The following ATF7IP2 variants were observed in gnomAD, a reference collection of about 807,000 sequenced individuals.
ATF7IP2 encodes activating transcription factor 7-interacting protein 2.
A neutral mutation model predicts 64.2 loss-of-function variants in ATF7IP2; 42 were observed. The observed-to-expected ratio is 0.65, with a 90% CI of 0.51 to 0.85. The LOEUF (loss-of-function observed/expected upper bound fraction) is 0.85. ATF7IP2 is among the 40% of genes least tolerant of loss of function. The pLI, the probability that ATF7IP2 is intolerant of heterozygous loss-of-function variation, is 0.00. For missense variants in ATF7IP2, 933 were observed against 784.2 expected, an observed-to-expected ratio of 1.19 and a Z score of -2.27; for synonymous variants, 308 against 272.8, an observed-to-expected ratio of 1.13 and a Z score of -1.27.
intron 1 of ATF7IP2, among the ~76,000 whole-genome samples, chr16:10,412,517 T>G (rs1366105215): frequency 6.6e-6 from 1 of 152,212 alleles, no homozygotes; most frequent in Non-Finnish European, 1.5e-5. Flanking sequence ...TTTCCAGTTT[T>G]TTTCCACTAT....
intron 12 of ATF7IP2, among the ~76,000 whole-genome samples, chr16:10,477,480 A>C (rs1456205233): frequency 6.6e-6 from 1 of 152,164 alleles, no homozygotes; most frequent in South Asian, 2.1e-4. Flanking sequence ...CGTATCTCAA[A>C]ATAATAAGAG....
chr16:10,450,308 A>C (rs2141979561), intron 8 of ATF7IP2, among the ~76,000 whole-genome samples: 1 of 152,224 alleles, frequency 6.6e-6, no homozygotes, highest in East Asian at 1.9e-4. Context: ...TGGGGTGGAG[A>C]GTTCTGTAGA....
intron 1 of ATF7IP2, among the ~76,000 whole-genome samples, chr16:10,394,303 C>A (rs190529402): frequency 6.6e-6 from 1 of 152,266 alleles, no homozygotes; most frequent in Non-Finnish European, 1.5e-5. Context: ...TAGGGACATT[C>A]TATAATGACA....
chr16:10,450,866 G>T (rs981227721), intron 8 of ATF7IP2, among the ~76,000 whole-genome samples: 1 of 152,208 alleles, frequency 6.6e-6, no homozygotes, highest in Non-Finnish European at 1.5e-5. Flanking sequence ...TATGATGCTA[G>T]CTGGTTATTT....
intron 1 of ATF7IP2, among the ~76,000 whole-genome samples, chr16:10,402,895 G>A (rs2047562637): frequency 8.6e-6 from 1 of 116,438 alleles, no homozygotes; most frequent in Non-Finnish European, 1.7e-5. Context: ...ACGACACAGC[G>A]AGACCCTTTC....
At chr16:10,422,888 A>T (rs114283601) in intron 3 of ATF7IP2, among the ~76,000 whole-genome samples, 385 of 152,302 alleles carry the variant, frequency 2.5e-3, no homozygotes, top group African/African-American at 7.6e-3. Context: ...TAGATACTGC[A>T]ATTTGAATTT....
At chr16:10,432,804 G>A (rs1596495289) in intron 5 of ATF7IP2, among the ~76,000 whole-genome samples, 1 of 152,134 alleles carries the variant, frequency 6.6e-6, no homozygotes, top group East Asian at 1.9e-4. Context: ...CTTGAACCTG[G>A]GGGGCGGAAG....
intron 9 of ATF7IP2, among the ~76,000 whole-genome samples, chr16:10,467,292 A>G (rs1326751254): frequency 6.6e-6 from 1 of 152,166 alleles, no homozygotes; most frequent in Non-Finnish European, 1.5e-5. Flanking sequence ...TCCTTTTTAA[A>G]GATTTTCTGC....
At chr16:10,416,574 C>G (rs1027894410) in intron 2 of ATF7IP2, among the ~76,000 whole-genome samples, 2 of 152,128 alleles carry the variant, frequency 1.3e-5, no homozygotes, top group Admixed American at 6.5e-5. Flanking sequence ...AGGTGGATCA[C>G]CTGAGGCCAG....
intron 1 of ATF7IP2, among the ~76,000 whole-genome samples, chr16:10,391,633 C>T (rs1029601076): frequency 3.3e-5 from 5 of 152,106 alleles, no homozygotes; most frequent in African/African-American, 1.2e-4. Context: ...TGCAGTGGCT[C>T]ATGCCTGTAA....
chr16:10,445,137 A>T (rs1340446208), intron 8 of ATF7IP2, among the ~76,000 whole-genome samples: 1 of 152,186 alleles, frequency 6.6e-6, no homozygotes, highest in Admixed American at 6.5e-5. Flanking sequence ...ATACACCCAT[A>T]AACTCTGAGA....
intron 1 of ATF7IP2, among the ~76,000 whole-genome samples, chr16:10,401,048 A>G (rs561570765): frequency 6.6e-6 from 1 of 152,298 alleles, no homozygotes; most frequent in East Asian, 1.9e-4. Flanking sequence ...CTTTTTGTGC[A>G]TATATTGAGA....
At chr16:10,402,912 A>G (rs997075479) in intron 1 of ATF7IP2, among the ~76,000 whole-genome samples, 15 of 152,108 alleles carry the variant, frequency 9.9e-5, no homozygotes, top group African/African-American at 3.4e-4. Flanking sequence ...TTTCTCAAAA[A>G]AAAAAAAAAA....
intron 4 of ATF7IP2, 72 bp downstream of exon 4, chr16:10,429,088 C>G (rs1252314104): frequency 2.0e-5 from 3 of 152,162 alleles, no homozygotes; most frequent in Non-Finnish European, 4.4e-5. Context: ...GGACACAAAA[C>G]TGTAGCAGTG....
intron 12 of ATF7IP2, among the ~76,000 whole-genome samples, chr16:10,478,642 A>T (rs191306104): frequency 6.6e-6 from 1 of 152,376 alleles, no homozygotes; most frequent in Admixed American, 6.5e-5. Context: ...ACAAAAGCCA[A>T]AATTGACAAA....
At chr16:10,461,666 G>A (rs1220752683) in intron 9 of ATF7IP2, among the ~76,000 whole-genome samples, 1 of 152,038 alleles carries the variant, frequency 6.6e-6, no homozygotes, top group African/African-American at 2.4e-5. Context: ...ATTCTAAGCT[G>A]GATAGTAAAT....
intron 1 of ATF7IP2, among the ~76,000 whole-genome samples, chr16:10,412,470 G>T (rs1309023336): frequency 6.6e-5 from 10 of 152,084 alleles, no homozygotes; most frequent in Admixed American, 6.5e-4. Flanking sequence ...TAATTTCTAT[G>T]TGTTTGCATG....
chr16:10,474,008 T>C lies in ATF7IP2; in HGVS notation c.1549+19T>C, dbSNP rs2049909618. On this transcript the variant is annotated intron_variant, in intron 12 of 13. Coordinates refer to ENST00000562102, the MANE Select transcript of ATF7IP2 (RefSeq NM_001393719.1). ...AATACAGGTAAAAGGATTTTTTAGA[T>C]CTTTCTTTTGTAAAAAGGAGGGAAG... 1 of 1,535,486 alleles carries C rather than the reference T, an allele frequency of 6.5e-7. No individual in the cohort carries two copies. The highest frequency in any genetic ancestry group is 8.9e-7 in the Non-Finnish European group (1 of 1,119,306).
chr16:10,389,974 C>T (rs576525222), intron 1 of ATF7IP2, among the ~76,000 whole-genome samples: 10 of 152,130 alleles, frequency 6.6e-5, no homozygotes, highest in Admixed American at 3.3e-4. Flanking sequence ...TAGACTTCTT[C>T]GAGTCTTAAG....
Sources: gnomAD v4.1 joint callset for allele counts (sites outside exome capture counted in the v4.1 genomes callset) on GRCh38, gnomAD v4.1.1 for gene constraint, MANE v1.5 for transcripts, NCBI Gene and HGNC (gene_info 2026-07-23, HGNC 2026-07-21) for gene names.